Variants in SHISA9 observed in about 807,000 individuals in gnomAD.
SHISA9 encodes the protein shisa family member 9, also known as protein shisa-9.
In SHISA9, 13 loss-of-function variants were observed where a neutral mutation model predicts 38.0. The observed-to-expected ratio is 0.34, with a 90% CI of 0.22 to 0.54. SHISA9 has a LOEUF of 0.54. Ranked by LOEUF, SHISA9 falls within the 20% of genes least tolerant of loss-of-function variation. The pLI is 0.91. For synonymous variants in SHISA9, 275 were observed against 242.0 expected (o/e 1.14, Z -1.27); for missense variants, 538 against 575.8 (o/e 0.93, Z 0.67).
chr16:13,292,094 G>A, the SHISA9 span, among the ~76,000 whole-genome samples: 1 of 151,350 alleles, frequency 6.6e-6, no homozygotes, highest in African/African-American at 2.4e-5. Context: ...TAATCTTAAG[G>A]AAAAGCAGAG....
chr16:13,503,369 T>C, the SHISA9 span, among the ~76,000 whole-genome samples: 1 of 152,228 alleles, frequency 6.6e-6, no homozygotes, highest in Non-Finnish European at 1.5e-5. Context: ...GCTTAAGGGC[T>C]TAAAACAATA....
intron 2 of SHISA9, among the ~76,000 whole-genome samples, chr16:13,023,591 C>A (rs1370666473): frequency 6.6e-6 from 1 of 152,198 alleles, no homozygotes; most frequent in Non-Finnish European, 1.5e-5. Flanking sequence ...TGAGGAATCG[C>A]CACACTGTCT....
the SHISA9 span, among the ~76,000 whole-genome samples, chr16:13,549,962 G>A: frequency 1.3e-5 from 2 of 151,462 alleles, no homozygotes; most frequent in Admixed American, 6.6e-5. Flanking sequence ...GGCAGAGGTT[G>A]CAGTGAGCCG....
chr16:12,923,249 G>T (rs572361689), intron 2 of SHISA9, among the ~76,000 whole-genome samples: 57 of 152,348 alleles, frequency 3.7e-4, no homozygotes, highest in Middle Eastern at 3.4e-3. Context: ...GGGAGATGGG[G>T]CCAGGTGCAG....
chr16:13,478,811 T>A, the SHISA9 span, among the ~76,000 whole-genome samples: 3 of 152,200 alleles, frequency 2.0e-5, no homozygotes, highest in South Asian at 6.2e-4. Context: ...GACTTGGATC[T>A]AATGAATCCT....
the SHISA9 span, among the ~76,000 whole-genome samples, chr16:13,330,943 T>C: frequency 6.6e-6 from 1 of 152,154 alleles, no homozygotes; most frequent in Non-Finnish European, 1.5e-5. Context: ...CTCATCCCTC[T>C]AAAAGTCTTA....
chr16:13,309,601 C>T, the SHISA9 span, among the ~76,000 whole-genome samples: 1 of 148,740 alleles, frequency 6.7e-6, no homozygotes, highest in Admixed American at 6.7e-5. Flanking sequence ...CGAGATCACG[C>T]CACTGTACTC....
intron 4 of SHISA9, among the ~76,000 whole-genome samples, chr16:13,233,968 A>C (rs1307827682): frequency 6.6e-6 from 1 of 152,186 alleles, no homozygotes. Context: ...GTGCCACTGC[A>C]CTCCAGCCTG....
the SHISA9 span, among the ~76,000 whole-genome samples, chr16:13,479,594 A>ATC: frequency 6.6e-6 from 1 of 152,124 alleles, no homozygotes; most frequent in South Asian, 2.1e-4. Flanking sequence ...TTATACATAT[A>ATC]TATATATACT....
intron 2 of SHISA9, among the ~76,000 whole-genome samples, chr16:13,051,071 G>T (rs779551150): frequency 6.6e-6 from 1 of 152,162 alleles, no homozygotes; most frequent in Non-Finnish European, 1.5e-5. Context: ...TGACGCTTTT[G>T]CATAATGCAT....
the SHISA9 span, among the ~76,000 whole-genome samples, chr16:13,386,756 T>A: frequency 6.6e-6 from 1 of 152,240 alleles, no homozygotes; most frequent in Non-Finnish European, 1.5e-5. Flanking sequence ...TTCCTTTCCA[T>A]GTCAGTAAAT....
At chr16:13,126,848 GGAAA>G (rs148980709) in intron 2 of SHISA9, among the ~76,000 whole-genome samples, 20,495 of 124,616 alleles carry the variant, frequency 0.16, 1,820 homozygotes, top group East Asian at 0.18. Flanking sequence ...AGAGACTGAG[GGAAA>G]GAAAGAGAGA....
chr16:13,519,754 A>G, the SHISA9 span, among the ~76,000 whole-genome samples: 8 of 152,172 alleles, frequency 5.3e-5, no homozygotes, highest in African/African-American at 1.9e-4. Context: ...GAGAAAAGTG[A>G]CATGCAAAAG....
chr16:13,434,419 GT>G, the SHISA9 span, among the ~76,000 whole-genome samples: 112 of 64,536 alleles, frequency 1.7e-3, 3 homozygotes, highest in African/African-American at 1.6e-3. Context: ...GACAAGCTAT[GT>G]TTTTTTTTTT....
the SHISA9 span, among the ~76,000 whole-genome samples, chr16:13,300,831 C>G: frequency 2.6e-5 from 3 of 114,694 alleles, no homozygotes; most frequent in African/African-American, 1.0e-4. Context: ...AATCTCCCCC[C>G]TCCCCTCCCC....
chr16:13,367,697 T>TGCGCGC, the SHISA9 span, among the ~76,000 whole-genome samples: 23 of 116,150 alleles, frequency 2.0e-4, no homozygotes, highest in African/African-American at 4.1e-4. Flanking sequence ...CGCGTGTGCG[T>TGCGCGC]GCGCGCGCGC....
intron 2 of SHISA9, among the ~76,000 whole-genome samples, chr16:13,019,839 C>T (rs1213177261): frequency 7.2e-3 from 347 of 48,446 alleles, no homozygotes; most frequent in East Asian, 0.023. Flanking sequence ...TTTCTTTTTC[C>T]TTCCTTCCCT....
At chr16:13,053,772 T>TC (rs1216547933) in intron 2 of SHISA9, among the ~76,000 whole-genome samples, 1 of 152,200 alleles carries the variant, frequency 6.6e-6, no homozygotes, top group African/African-American at 2.4e-5. Context: ...GGCTTCCTGG[T>TC]CCAGGTCTCA....
chr16:13,514,034 A>T, the SHISA9 span, among the ~76,000 whole-genome samples: 1 of 152,150 alleles, frequency 6.6e-6, no homozygotes, highest in African/African-American at 2.4e-5. Context: ...ATGCTCTGTC[A>T]CGCAGGCTGG....
Sources: gnomAD v4.1 joint callset for allele counts (sites outside exome capture counted in the v4.1 genomes callset) on GRCh38, gnomAD v4.1.1 for gene constraint, MANE v1.5 for transcripts, NCBI Gene and HGNC (gene_info 2026-07-23, HGNC 2026-07-21) for gene names.